SLC6A19: variants seen among roughly 807,000 people sequenced by gnomAD.
SLC6A19 encodes the protein solute carrier family 6 member 19.
A neutral mutation model predicts 68.3 loss-of-function variants in SLC6A19; 67 were observed. The observed-to-expected ratio is 0.98, with a 90% CI of 0.81 to 1.20. SLC6A19 has a LOEUF of 1.20. SLC6A19 is among the 50% of genes most tolerant of loss of function. SLC6A19 has a pLI of 0.00. For missense variants in SLC6A19, 813 were observed against 851.6 expected (o/e 0.95, Z 0.56); for synonymous variants, 392 against 374.9 (o/e 1.05, Z -0.53).
rs947874212 is a variant in SLC6A19, at chr5:1,222,109, G to A, written c.*205G>A. 2.7e-5 allele frequency: 17 copies of A among 622,272 alleles called. No individual in the cohort carries two copies. The highest frequency in any genetic ancestry group is 8.6e-4 in the Middle Eastern group (2 of 2,318). The allele number at this position is 622,272 out of a possible 1,614,324, so 38.5% of individuals were successfully genotyped here. A position where few individuals can be genotyped will look rare whatever the true frequency, so the allele number is the denominator to read the frequency against. Reference sequence around the variant, plus strand: ...ACATGCATGGGCACTGTGTGAGTGTGCACGTGTATGCACACATATACATGT... The same window carrying A: ...ACATGCATGGGCACTGTGTGAGTGTACACGTGTATGCACACATATACATGT... On this transcript the variant is annotated 3_prime_UTR_variant, in exon 12 of 12. Coordinates refer to ENST00000304460, the MANE Select transcript of SLC6A19 (RefSeq NM_001003841.3).
In SLC6A19 at chr5:1,209,409, G is replaced by C. The variant is rs1435152697; in HGVS notation, c.343+523G>C. Among the ~76,000 whole-genome samples, 1 of 152,138 alleles carries C rather than the reference G, an allele frequency of 6.6e-6. No individual in the cohort carries two copies. The highest frequency in any genetic ancestry group is 1.9e-4 in the East Asian group (1 of 5,194). ...TGAAAGACGGAGGAGGAAAGGGCAG[G>C]GTCCACTCCAGAGAGGAGTCTGAGT... On this transcript the variant is annotated intron_variant, in intron 2 of 11. Transcript: ENST00000304460. The surrounding 1 kb of genome is among the most constrained non-coding windows in gnomAD (Gnocchi z 5.5).
intron 10 of SLC6A19, among the ~76,000 whole-genome samples, chr5:1,220,558 G>A (rs1362113993): frequency 2.0e-5 from 3 of 152,174 alleles, no homozygotes; most frequent in Non-Finnish European, 2.9e-5. Context: ...TGCCGGGTGT[G>A]AGGTGCATGC....
intron 1 of SLC6A19, 98 bp from the exon 2 acceptor site, chr5:1,208,648 A>T: frequency 6.4e-7 from 1 of 1,554,444 alleles, no homozygotes; most frequent in Non-Finnish European, 8.8e-7. Context: ...GGCCGGCCAT[A>T]GGGGCTGCAA....
At chr5:1,207,965 A>G (rs1417173398) in intron 1 of SLC6A19, among the ~76,000 whole-genome samples, 4 of 152,234 alleles carry the variant, frequency 2.6e-5, no homozygotes, top group East Asian at 1.9e-4. Context: ...TAGATCCCCC[A>G]TAAGACAAGA....
At chr5:1,219,815 G>T (rs1355633564) in intron 10 of SLC6A19, 151 bp downstream of exon 10, 9 of 1,016,026 alleles carry the variant, frequency 8.9e-6, no homozygotes, top group Non-Finnish European at 1.3e-5. Flanking sequence ...GTGTAGACCT[G>T]TCCTGGCGGG....
chr5:1,219,050 G>A lies in SLC6A19; in HGVS notation c.1321G>A (p.Val441Met), dbSNP rs1746285392. The A allele has an allele frequency of 6.2e-7, 1 of 1,613,916 alleles. No individual in the cohort carries two copies. The highest frequency in any genetic ancestry group is 1.7e-5 in the Admixed American group (1 of 60,006). The change falls in exon 9 of 12, where the codon GTG becomes ATG. Residue 441 changes from valine (V) to methionine (M), a missense_variant. Coordinates refer to ENST00000304460, the MANE Select transcript of SLC6A19 (RefSeq NM_001003841.3). ...SMFGNMEGVVVPLQDLRVIPP... is the reference protein window; with the variant it reads ...SMFGNMEGVVMPLQDLRVIPP... ...GTTTGGGAACATGGAGGGCGTCGTT[G>A]TGCCCCTGCAGGACCTCAGAGTCAT...
chr5:1,214,368 C>T lies in SLC6A19; in HGVS notation c.887+303C>T, dbSNP rs1016503562. ...GCTCTCCCCAGTTCCCTGCTCCACA[C>T]CCACATCGCTCCCAGCCCACCCCTG... On this transcript the variant is annotated intron_variant, in intron 6 of 11. Transcript: ENST00000304460. The surrounding 1 kb of genome is among the most constrained non-coding windows in gnomAD (Gnocchi z 7.4). Among the ~76,000 whole-genome samples, 16 of 152,160 alleles carry T rather than the reference C, an allele frequency of 1.1e-4. No individual in the cohort carries two copies. The highest frequency in any genetic ancestry group is 3.4e-4 in the African/African-American group (14 of 41,446).
In SLC6A19 at chr5:1,212,642, T is replaced by C. The variant is rs1746076553; in HGVS notation, c.663+158T>C. Among the ~76,000 whole-genome samples, 1 of 152,016 alleles carries C rather than the reference T, an allele frequency of 6.6e-6. No individual in the cohort carries two copies. Among genetic ancestry groups the C allele is most frequent in the Admixed American group, 6.5e-5 (1 of 15,278 alleles). On this transcript the variant is annotated intron_variant, in intron 4 of 11. Transcript: ENST00000304460. The surrounding 1 kb of genome is among the most constrained non-coding windows in gnomAD (Gnocchi z 5.1). ...GAGCTGCCTTTGCCCTTAGGCTCAC[T>C]GGCCTGGGCGGGAGGGGCCCTGCCT...
At chr5:1,208,436 G>A (rs1745916252) in intron 1 of SLC6A19, among the ~76,000 whole-genome samples, 1 of 152,208 alleles carries the variant, frequency 6.6e-6, no homozygotes, top group Admixed American at 6.5e-5. Context: ...CAGCGGCTGT[G>A]GTTGCATGTT....
chr5:1,204,724 C>G (rs940646018), intron 1 of SLC6A19, among the ~76,000 whole-genome samples: 1 of 152,216 alleles, frequency 6.6e-6, no homozygotes, highest in Non-Finnish European at 1.5e-5. Flanking sequence ...AGCGAGGTGG[C>G]GTGCGGGAGC....
At position 1,221,681 on chromosome 5, in the gene SLC6A19, C is replaced by T; in HGVS notation, c.1702-20C>T. 6.2e-7 allele frequency: 1 copy of T among 1,613,526 alleles called. No homozygotes were observed. The highest frequency in any genetic ancestry group is 8.5e-7 in the Non-Finnish European group (1 of 1,179,680). On this transcript the variant is annotated intron_variant, in intron 11 of 11. Transcript: ENST00000304460. ...ACTGGCTCCCGGGATGCCTACTCACCCATGGGGCTCTCTCCCCAGGAGGAA... is the reference window on the plus strand; with the variant it reads ...ACTGGCTCCCGGGATGCCTACTCACTCATGGGGCTCTCTCCCCAGGAGGAA...
intron 9 of SLC6A19, 27 bp downstream of exon 9, chr5:1,219,134 C>T: frequency 5.7e-6 from 9 of 1,590,736 alleles, no homozygotes; most frequent in Non-Finnish European, 7.7e-6. Context: ...GAGGGGTCCC[C>T]ATGGCAATGG....
At chr5:1,204,903 CT>C (rs1425649680) in intron 1 of SLC6A19, among the ~76,000 whole-genome samples, 1 of 129,948 alleles carries the variant, frequency 7.7e-6, no homozygotes, top group Admixed American at 7.2e-5. Context: ...CAAACACCAC[CT>C]GCTGGAGAGA....
intron 9 of SLC6A19, 30 bp from the exon 10 acceptor site, chr5:1,219,475 G>T (rs781328134): frequency 3.7e-6 from 6 of 1,607,538 alleles, no homozygotes; most frequent in Middle Eastern, 1.7e-4. Context: ...GCCCCTGGGC[G>T]TGTGAGCAGC....
intron 1 of SLC6A19, 30 bp downstream of exon 1, chr5:1,201,882 G>C (rs775817680): frequency 6.3e-7 from 1 of 1,599,478 alleles, no homozygotes; most frequent in Non-Finnish European, 8.5e-7. Flanking sequence ...CTGCGGGCGA[G>C]GCCGTGGCCA....
In SLC6A19 at chr5:1,222,445, TCTG is replaced by T; in HGVS notation, c.*542_*544del. Reference sequence around the variant, plus strand: ...TGCATGCAATTGTGTGTATGTGTGTTCTGTGTGTGCGTTTGCAAGTATATATGC... The same window carrying T: ...TGCATGCAATTGTGTGTATGTGTGTTTGTGTGCGTTTGCAAGTATATATGC... On this transcript the variant is annotated 3_prime_UTR_variant, in exon 12 of 12. Coordinates refer to ENST00000304460, the MANE Select transcript of SLC6A19 (RefSeq NM_001003841.3). 1 of 438,842 alleles carries T rather than the reference TCTG, an allele frequency of 2.3e-6. No homozygotes were observed. The highest frequency in any genetic ancestry group is 4.0e-6 in the Non-Finnish European group (1 of 250,094). 27.2% of individuals were successfully genotyped at this position (438,842 alleles called of 1,614,324 possible).
chr5:1,202,303 G>A (rs1257026761), intron 1 of SLC6A19, among the ~76,000 whole-genome samples: 1 of 152,202 alleles, frequency 6.6e-6, no homozygotes, highest in African/African-American at 2.4e-5. Flanking sequence ...GACCCTAGAG[G>A]AGCAGAGTGG....
At position 1,216,631 on chromosome 5, in the gene SLC6A19, G is replaced by A. The variant is rs752701468; in HGVS notation, c.961G>A (p.Val321Ile). 3.1e-6 allele frequency: 5 copies of A among 1,614,054 alleles called. No individual in the cohort carries two copies. Among genetic ancestry groups the A allele is most frequent in the Admixed American group, 3.3e-5 (2 of 60,036 alleles). The change falls in exon 7 of 12, where the codon GTC (valine) becomes ATC (isoleucine). Residue 321 changes from valine (V) to isoleucine (I), a missense_variant. By Grantham distance (29) the Val-to-Ile change is conservative. Transcript: ENST00000304460. ...GFTSVYVAIV[V>I]YSVIGFRATQ... ...CACATCGGTGTATGTGGCCATCGTG[G>A]TCTACTCCGTCATTGGGTTCCGCGC...
intron 1 of SLC6A19, among the ~76,000 whole-genome samples, chr5:1,202,975 G>C (rs1745757714): frequency 6.6e-6 from 1 of 152,136 alleles, no homozygotes. Context: ...TATAGTCCCT[G>C]ACAGTCCCCA....
Sources: gnomAD v4.1 joint callset for allele counts (sites outside exome capture counted in the v4.1 genomes callset) on GRCh38, gnomAD v4.1.1 for gene constraint, Gnocchi (gnomAD v3.1) non-coding constraint, MANE v1.5 for transcripts, NCBI Gene and HGNC (gene_info 2026-07-23, HGNC 2026-07-21) for gene names.